The following LRCH1 variants were observed in gnomAD, a reference collection of about 807,000 sequenced individuals.
LRCH1 encodes leucine-rich repeat and calponin homology domain-containing protein 1.
A neutral mutation model predicts 94.9 loss-of-function variants in LRCH1; 23 were observed. That is an observed-to-expected ratio of 0.24 (90% confidence interval 0.17 to 0.34). The LOEUF (loss-of-function observed/expected upper bound fraction) is 0.34, where lower values mean the gene tolerates loss of function less well. Ranked by LOEUF, LRCH1 falls within the 10% of genes least tolerant of loss-of-function variation. The pLI is 1.00. For synonymous variants in LRCH1, 364 were observed against 354.9 expected (o/e 1.03, Z -0.29); for missense variants, 790 against 945.9 (o/e 0.84, Z 2.16).
At chr13:46,608,568 A>C (rs2050712923) in intron 1 of LRCH1, among the ~76,000 whole-genome samples, 1 of 152,144 alleles carries the variant, frequency 6.6e-6, no homozygotes, top group African/African-American at 2.4e-5. Flanking sequence ...AAGCCAAGTT[A>C]ATTTTCCTGA....
At chr13:46,733,874 G>T in intron 18 of LRCH1, 47 bp from the exon 19 acceptor site, 2 of 1,162,696 alleles carry the variant, frequency 1.7e-6, no homozygotes, top group South Asian at 3.0e-5. Flanking sequence ...TATTAAAATG[G>T]TTTCTCTTTT....
chr13:46,565,769 C>T (rs1444161047), intron 1 of LRCH1, among the ~76,000 whole-genome samples: 1 of 150,966 alleles, frequency 6.6e-6, no homozygotes, highest in Admixed American at 6.6e-5. Context: ...GAGATCACGC[C>T]ATTGCACTCC....
chr13:46,619,962 G>A (rs995307078), intron 1 of LRCH1, among the ~76,000 whole-genome samples: 2 of 152,134 alleles, frequency 1.3e-5, no homozygotes, highest in African/African-American at 4.8e-5. Context: ...TCAAATACAT[G>A]TTCAGTGGAA....
At chr13:46,673,803 G>A (rs946182403) in intron 3 of LRCH1, among the ~76,000 whole-genome samples, 11 of 141,978 alleles carry the variant, frequency 7.7e-5, no homozygotes, top group Non-Finnish European at 1.5e-4. Context: ...CACCCAGGCT[G>A]GAGTGCAGCG....
At chr13:46,616,121 C>T (rs2050805094) in intron 1 of LRCH1, among the ~76,000 whole-genome samples, 1 of 152,172 alleles carries the variant, frequency 6.6e-6, no homozygotes. Context: ...AGAAAAATAT[C>T]CTGGAGCGGG....
intron 9 of LRCH1, among the ~76,000 whole-genome samples, chr13:46,695,812 T>C (rs926115548): frequency 1.3e-5 from 2 of 152,190 alleles, no homozygotes; most frequent in African/African-American, 4.8e-5. Flanking sequence ...GGACCCAGCC[T>C]AAATTAACAT....
In LRCH1 at chr13:46,692,610, G is replaced by A; in HGVS notation, c.1089G>A (p.Glu363=). 1 of 1,614,018 alleles carries A rather than the reference G, an allele frequency of 6.2e-7. No homozygotes were observed. The highest frequency in any genetic ancestry group is 8.5e-7 in the Non-Finnish European group (1 of 1,179,956). Residue 363 remains glutamate (E), a synonymous_variant, in exon 8 of 20, where the codon GAG becomes GAA. Coordinates refer to ENST00000389797, the MANE Select transcript of LRCH1 (RefSeq NM_001164211.2). ...TGGAAGAAGAACAGATCATCAAGGA[G>A]GACTCGTGCCATCGCCTTAGCCCCG... ...NIMEEEQIIK[E]DSCHRLSPVK...
At chr13:46,706,771 G>A (rs866236851) in intron 13 of LRCH1, among the ~76,000 whole-genome samples, 1 of 148,204 alleles carries the variant, frequency 6.7e-6, no homozygotes, top group African/African-American at 2.5e-5. Flanking sequence ...GTAAAAATTT[G>A]CAGTGTTCTA....
intron 16 of LRCH1, among the ~76,000 whole-genome samples, chr13:46,722,326 T>G (rs1481790383): frequency 1.3e-5 from 2 of 152,186 alleles, no homozygotes; most frequent in Non-Finnish European, 2.9e-5. Flanking sequence ...GAACAGCTCT[T>G]TCATCCATCT....
chr13:46,633,942 C>T (rs988379212), intron 1 of LRCH1, among the ~76,000 whole-genome samples: 3 of 149,526 alleles, frequency 2.0e-5, no homozygotes, highest in South Asian at 4.2e-4. Context: ...TTCAGTGGCA[C>T]GATCTCAGTT....
intron 1 of LRCH1, among the ~76,000 whole-genome samples, chr13:46,574,292 G>A (rs2050276965): frequency 6.6e-6 from 1 of 151,988 alleles, no homozygotes; most frequent in Admixed American, 6.6e-5. Flanking sequence ...CTGTATGAAA[G>A]TATCTCATGT....
chr13:46,632,444 C>T (rs760374124), intron 1 of LRCH1, among the ~76,000 whole-genome samples: 2 of 152,144 alleles, frequency 1.3e-5, no homozygotes, highest in African/African-American at 2.4e-5. Context: ...TCATTGGTAA[C>T]ACTGGATAAT....
intron 1 of LRCH1, among the ~76,000 whole-genome samples, chr13:46,622,927 C>T (rs1025282446): frequency 3.9e-5 from 6 of 152,186 alleles, no homozygotes; most frequent in Admixed American, 3.3e-4. Flanking sequence ...TTGCGTCGTA[C>T]TGCTCAGAGC....
In LRCH1 at chr13:46,723,312, G is replaced by A. The variant is rs1191567355; in HGVS notation, c.1851G>A (p.Leu617=). The change falls in exon 17 of 20, where the codon CTG becomes CTA. Residue 617 remains leucine (L), a synonymous_variant. Coordinates refer to ENST00000389797, the MANE Select transcript of LRCH1 (RefSeq NM_001164211.2). ...KMEQMREEKE[L]VEQLRESIEM... is the part of the protein sequence containing the mutation. The stretch of plus-strand genomic sequence containing the variant: ...AGCAGATGAGAGAAGAGAAAGAGCT[G>A]GTGGAACAACTTCGTGAGGTACCCA... 6.2e-7 allele frequency: 1 copy of A among 1,611,460 alleles called. No homozygotes were observed. Among genetic ancestry groups the A allele is most frequent in the African/African-American group, 1.3e-5 (1 of 74,934 alleles).
At chr13:46,695,054 T>C (rs530857466) in intron 9 of LRCH1, 37 bp downstream of exon 9, 33 of 1,609,832 alleles carry the variant, frequency 2.0e-5, no homozygotes, top group African/African-American at 4.0e-5. Flanking sequence ...TTTTTACTTA[T>C]TTCCTTCTGT....
At chr13:46,656,069 A>G (rs2051366427) in intron 2 of LRCH1, among the ~76,000 whole-genome samples, 1 of 152,218 alleles carries the variant, frequency 6.6e-6, no homozygotes, top group South Asian at 2.1e-4. Flanking sequence ...CGGCTGCTGA[A>G]CAATGTGCAG....
At chr13:46,718,173 T>C (rs760909126) in intron 16 of LRCH1, among the ~76,000 whole-genome samples, 10 of 152,218 alleles carry the variant, frequency 6.6e-5, no homozygotes, top group Non-Finnish European at 1.2e-4. Context: ...GCTCTTTCAT[T>C]TGCAGTGAAT....
At chr13:46,571,411 C>T (rs932270937) in intron 1 of LRCH1, among the ~76,000 whole-genome samples, 2 of 152,198 alleles carry the variant, frequency 1.3e-5, no homozygotes, top group Admixed American at 6.5e-5. Context: ...ATTCAAGTGG[C>T]GACGAGTACC....
chr13:46,678,795 G>A (rs143186009), intron 3 of LRCH1, among the ~76,000 whole-genome samples: 1 of 152,266 alleles, frequency 6.6e-6, no homozygotes, highest in Non-Finnish European at 1.5e-5. Context: ...TAGAGAAACA[G>A]CATATTTTGA....
Sources: gnomAD v4.1 joint callset for allele counts (sites outside exome capture counted in the v4.1 genomes callset) on GRCh38, gnomAD v4.1.1 for gene constraint, MANE v1.5 for transcripts, NCBI Gene and HGNC (gene_info 2026-07-23, HGNC 2026-07-21) for gene names.